The following CEP170 variants were observed in gnomAD, a reference collection of about 807,000 sequenced individuals.
CEP170 encodes centrosomal protein 170, also known as centrosomal protein of 170 kDa.
A neutral mutation model predicts 151.9 loss-of-function variants in CEP170; 21 were observed. The observed-to-expected ratio is 0.14, with a 90% confidence interval of 0.10 to 0.20. The LOEUF is 0.20. Ranked by LOEUF, CEP170 falls within the 10% of genes least tolerant of loss-of-function variation. The pLI, the probability that CEP170 is intolerant of heterozygous loss-of-function variation, is 1.00. For synonymous variants in CEP170, 356 were observed against 648.8 expected, an observed-to-expected ratio of 0.55 and a Z score of 6.86; for missense variants, 964 against 1,892.9, an observed-to-expected ratio of 0.51 and a Z score of 9.11.
At chr1:243,128,161 C>T (rs2148147591) in intron 19 of CEP170, 88 bp downstream of exon 19, 1 of 1,224,208 alleles carries the variant, frequency 8.2e-7, no homozygotes, top group South Asian at 1.7e-5. Flanking sequence ...AATCAAATAA[C>T]ATCCTAACAA....
intron 10 of CEP170, among the ~76,000 whole-genome samples, chr1:243,176,420 C>T (rs1456866873): frequency 1.3e-5 from 2 of 151,354 alleles, no homozygotes; most frequent in African/African-American, 2.4e-5. Context: ...ACAACTCATT[C>T]GTACTGGGCG....
At chr1:243,197,188 G>A (rs1396919360) in intron 7 of CEP170, among the ~76,000 whole-genome samples, 1 of 152,112 alleles carries the variant, frequency 6.6e-6, no homozygotes, top group Non-Finnish European at 1.5e-5. Context: ...GGCGGGCAGC[G>A]TGGGGAAAGG....
At chr1:243,236,119 C>T (rs890456586) in intron 1 of CEP170, among the ~76,000 whole-genome samples, 18 of 152,202 alleles carry the variant, frequency 1.2e-4, no homozygotes, top group African/African-American at 3.9e-4. Flanking sequence ...TACTTGCATT[C>T]TTTCATTTAA....
rs2060247187 is a variant in CEP170 at position 243,190,552 on chromosome 1, T to A, written c.1108+466A>T. Among the ~76,000 whole-genome samples, 3 of 152,186 alleles carry A rather than the reference T, an allele frequency of 2.0e-5. No individual in the cohort carries two copies. In the South Asian group the frequency reaches 6.2e-4, roughly 32 times the overall value. ...TTATGAGTAACCACTGAGAATACTT[T>A]GAAGCGCTCCATCAATGATGTGACT... is the stretch of plus-strand genomic sequence containing the variant. On this transcript the variant is annotated intron_variant, in intron 8 of 19. Coordinates refer to ENST00000366542, the MANE Select transcript of CEP170 (RefSeq NM_014812.3).
chr1:243,185,672 C>T lies in CEP170; in HGVS notation c.1566+107G>A, dbSNP rs2059896795. 2 of 1,420,248 alleles carry T rather than the reference C, an allele frequency of 1.4e-6. No homozygotes were observed. The highest frequency in any genetic ancestry group is 2.9e-5 in the African/African-American group (2 of 69,828). 88.0% of individuals were successfully genotyped at this position (1,420,248 alleles called of 1,614,324 possible). A position where few individuals can be genotyped will look rare whatever the true frequency, so the allele number is the denominator to read the frequency against. Reference sequence around the variant, plus strand: ...TTCCCTAACAAAACCCTAAAATTCACATACCACTGACTGCATGACAACATC... The same window carrying T: ...TTCCCTAACAAAACCCTAAAATTCATATACCACTGACTGCATGACAACATC... On this transcript the variant is annotated intron_variant, in intron 10 of 19. Coordinates refer to ENST00000366542, the MANE Select transcript of CEP170 (RefSeq NM_014812.3). This position sits in a 1 kb window ranked among gnomAD's most constrained non-coding sequence, Gnocchi z 4.9.
Position 243,159,032 on chromosome 1 carries a change from A to G in CEP170, c.3677-2577T>C, listed in dbSNP as rs571297795. 7.9e-5 allele frequency among the ~76,000 whole-genome samples: 12 copies of G among 152,308 alleles called. No individual in the cohort carries two copies. The East Asian group carries it at 2.1e-3, about 27-fold the overall frequency. ...CAGTGAGCTGAGATCGCACCACTGC[A>G]CTGTGGCCTGGTGACAGAGCCAGAC... On this transcript the variant is annotated intron_variant, in intron 13 of 19. Transcript: ENST00000366542.
chr1:243,196,832 G>A (rs1466446648), intron 7 of CEP170, among the ~76,000 whole-genome samples: 2 of 152,056 alleles, frequency 1.3e-5, no homozygotes, highest in Admixed American at 6.6e-5. Flanking sequence ...ACGTACTGAC[G>A]ATAAATATAC....
chr1:243,199,104 G>A lies in CEP170; in HGVS notation c.587C>T (p.Thr196Ile), dbSNP rs2060852119. ...DEVDEKRAFK[T>I]NGKPEEKNHE... ...GTTTTTTTCTTCAGGTTTGCCATTT[G>A]TCTTGAAAGCTCTTTTTTCATCCAC... Residue 196 changes from threonine to isoleucine, a missense_variant, in exon 7 of 20, where the codon ACA becomes ATA. Coordinates refer to ENST00000366542, the MANE Select transcript of CEP170 (RefSeq NM_014812.3). The A allele has an allele frequency of 1.2e-6, 2 of 1,611,572 alleles. No homozygotes were observed. Among genetic ancestry groups the A allele is most frequent in the South Asian group, 1.1e-5 (1 of 90,942 alleles).
intron 3 of CEP170, among the ~76,000 whole-genome samples, chr1:243,212,292 T>C (rs1342649960): frequency 6.6e-6 from 1 of 152,206 alleles, no homozygotes; most frequent in African/African-American, 2.4e-5. Flanking sequence ...ACTGTTAATA[T>C]ACCATCAGGG....
intron 2 of CEP170, 93 bp from the exon 3 acceptor site, chr1:243,221,906 T>C (rs1346541680): frequency 6.7e-6 from 7 of 1,039,730 alleles, no homozygotes; most frequent in Admixed American, 5.8e-5. Context: ...AATAGGACAG[T>C]AAATATAGGG....
At chr1:243,227,153 C>T (rs2063363199) in intron 1 of CEP170, among the ~76,000 whole-genome samples, 1 of 152,078 alleles carries the variant, frequency 6.6e-6, no homozygotes, top group Admixed American at 6.5e-5. Context: ...ATATTACCAC[C>T]TATCTTACCA....
chr1:243,172,177 C>T (rs1460753625), intron 11 of CEP170, among the ~76,000 whole-genome samples: 2 of 152,132 alleles, frequency 1.3e-5, no homozygotes, highest in African/African-American at 4.8e-5. Flanking sequence ...CTAATATTTT[C>T]CTCATTGACA....
intron 10 of CEP170, chr1:243,175,262 T>C (rs2059149277): frequency 1.3e-5 from 2 of 152,380 alleles, no homozygotes; most frequent in Admixed American, 6.5e-5. Flanking sequence ...AATACTTCGA[T>C]GACGTTCGAC....
At chr1:243,217,079 T>C (rs1395190076) in intron 3 of CEP170, among the ~76,000 whole-genome samples, 3 of 152,196 alleles carry the variant, frequency 2.0e-5, no homozygotes, top group Non-Finnish European at 4.4e-5. Context: ...CTATTGCTCC[T>C]AGGCTACAAA....
At chr1:243,179,236 A>G (rs1374167492) in intron 10 of CEP170, among the ~76,000 whole-genome samples, 2 of 152,188 alleles carry the variant, frequency 1.3e-5, no homozygotes, top group Admixed American at 6.5e-5. Flanking sequence ...TAAAATTTAA[A>G]TGTCCAATTT....
At chr1:243,194,299 AAGGC>A (rs2060498898) in intron 7 of CEP170, among the ~76,000 whole-genome samples, 1 of 151,976 alleles carries the variant, frequency 6.6e-6, no homozygotes, top group Admixed American at 6.6e-5. Context: ...ACATTACTGT[AAGGC>A]AGTATCAGTA....
intron 10 of CEP170, among the ~76,000 whole-genome samples, chr1:243,184,360 C>A (rs183448523): frequency 0.012 from 1,849 of 151,918 alleles, 19 homozygotes; most frequent in Middle Eastern, 0.017. Context: ...CTCTCTCTCT[C>A]TCTATATATA....
chr1:243,221,651 A>T, intron 3 of CEP170, 73 bp downstream of exon 3: 1 of 1,396,636 alleles, frequency 7.2e-7, no homozygotes, highest in Non-Finnish European at 9.7e-7. Context: ...TAGCTAGGAA[A>T]TGTAATCTGA....
At chr1:243,156,123 A>G in intron 14 of CEP170, 98 bp downstream of exon 14, 3 of 1,334,928 alleles carry the variant, frequency 2.2e-6, no homozygotes, top group South Asian at 1.5e-5. Context: ...TTCAGTTCTT[A>G]GACTATTAGT....
Sources: gnomAD v4.1 joint callset for allele counts (sites outside exome capture counted in the v4.1 genomes callset) on GRCh38, gnomAD v4.1.1 for gene constraint, Gnocchi (gnomAD v3.1) non-coding constraint, MANE v1.5 for transcripts, NCBI Gene and HGNC (gene_info 2026-07-23, HGNC 2026-07-21) for gene names.